Variants in PTN observed in about 807,000 individuals in gnomAD.
The protein encoded by PTN is pleiotrophin, also known as heparin affin regulatory protein.
Under a neutral mutation model 24.1 loss-of-function variants are expected in PTN, and 18 were observed. That is an observed-to-expected ratio of 0.75 (90% CI 0.52 to 1.11). PTN has a LOEUF of 1.11. PTN is among the 50% of genes least tolerant of loss of function. The pLI is 0.00. For missense variants in PTN, 163 were observed against 198.8 expected, an observed-to-expected ratio of 0.82 and a Z score of 1.08; for synonymous variants, 78 against 68.6, an observed-to-expected ratio of 1.14 and a Z score of -0.67.
Position 137,340,756 on chromosome 7 carries a change from T to C in PTN, c.-2+2683A>G, listed in dbSNP as rs73455107. Among the ~76,000 whole-genome samples, 836 of 152,238 alleles carry C rather than the reference T, an allele frequency of 5.5e-3. 5 individuals are homozygous for C. The highest frequency in any genetic ancestry group is 0.019 in the African/African-American group (799 of 41,562). ...TAGCAAAGCTATGGAACAAAGGCCATTGGAGAGCTCCCACTCAGCCTCATG... is the reference window on the plus strand; with the variant it reads ...TAGCAAAGCTATGGAACAAAGGCCACTGGAGAGCTCCCACTCAGCCTCATG... On this transcript the variant is annotated intron_variant, in intron 1 of 4. Transcript: ENST00000348225.
chr7:137,339,568 C>CAG (rs1554386739), intron 1 of PTN, among the ~76,000 whole-genome samples: 3 of 123,818 alleles, frequency 2.4e-5, no homozygotes, highest in Non-Finnish European at 4.9e-5. Context: ...GGTCTTGAAT[C>CAG]AAAAAAAAAA....
intron 4 of PTN, among the ~76,000 whole-genome samples, chr7:137,241,067 T>G (rs944393357): frequency 6.6e-6 from 1 of 152,040 alleles, no homozygotes; most frequent in African/African-American, 2.4e-5. Flanking sequence ...AAGGTACATT[T>G]TACATGGCAG....
intron 1 of PTN, among the ~76,000 whole-genome samples, chr7:137,319,642 C>T (rs1810130791): frequency 6.6e-6 from 1 of 152,180 alleles, no homozygotes. Context: ...ATCAGGATCT[C>T]AAAATGTCTC....
chr7:137,328,664 T>G (rs1810302183), intron 1 of PTN, among the ~76,000 whole-genome samples: 1 of 152,118 alleles, frequency 6.6e-6, no homozygotes, highest in Non-Finnish European at 1.5e-5. Context: ...AGAAACAGAT[T>G]GAGCAGCTCC....
chr7:137,243,701 C>T (rs1360427512), intron 4 of PTN, among the ~76,000 whole-genome samples: 1 of 152,114 alleles, frequency 6.6e-6, no homozygotes, highest in Non-Finnish European at 1.5e-5. Flanking sequence ...ACGTGACCAA[C>T]TAGAAGCAGG....
chr7:137,293,443 T>C (rs1266129996), intron 1 of PTN, among the ~76,000 whole-genome samples: 2 of 152,124 alleles, frequency 1.3e-5, no homozygotes, highest in South Asian at 2.1e-4. Context: ...CTCATGTGAT[T>C]GATAAAGTTT....
intron 4 of PTN, among the ~76,000 whole-genome samples, chr7:137,243,702 T>A (rs1457489073): frequency 2.6e-5 from 4 of 152,080 alleles, no homozygotes; most frequent in Non-Finnish European, 4.4e-5. Flanking sequence ...CGTGACCAAC[T>A]AGAAGCAGGG....
chr7:137,265,957 C>T (rs1055610894), intron 1 of PTN, among the ~76,000 whole-genome samples: 5 of 151,966 alleles, frequency 3.3e-5, no homozygotes, highest in African/African-American at 1.2e-4. Flanking sequence ...TTTAACAATG[C>T]TTTTTGTATG....
rs1174764330 is a variant in PTN at position 137,275,649 on chromosome 7, T to TA, written c.-1-20676dup. On this transcript the variant is annotated intron_variant, in intron 1 of 4. Coordinates refer to ENST00000348225, the MANE Select transcript of PTN (RefSeq NM_002825.7). ...CAACTTTTGGCAGTAAATCTTTTTT[T>TA]AAAAAAAAAAATTGTATTGGCAAAC... 9.0e-4 allele frequency among the ~76,000 whole-genome samples: 134 copies of TA among 149,598 alleles called. 1 individual carries two copies. The highest frequency in any genetic ancestry group is 3.5e-3 in the Middle Eastern group (1 of 284).
chr7:137,324,579 G>A (rs570845559), intron 1 of PTN, among the ~76,000 whole-genome samples: 2 of 151,432 alleles, frequency 1.3e-5, no homozygotes, highest in Admixed American at 6.6e-5. Flanking sequence ...AATGTTCTAC[G>A]ATTGTGTAAG....
At position 137,245,058 on chromosome 7, in the gene PTN, T is replaced by C. The variant is rs76155278; in HGVS notation, c.451+6172A>G. 2.0e-5 allele frequency among the ~76,000 whole-genome samples: 3 copies of C among 152,312 alleles called. No homozygotes were observed. The East Asian group carries it at 5.8e-4, about 29-fold the overall frequency. On this transcript the variant is annotated intron_variant, in intron 4 of 4. Transcript: ENST00000348225. ...ACAGACTTGCCAACATCTTTATGTTTCATTCTAAAATGTAAAGAGTATGAT... is the reference window on the plus strand; with the variant it reads ...ACAGACTTGCCAACATCTTTATGTTCCATTCTAAAATGTAAAGAGTATGAT...
At chr7:137,305,935 G>C (rs758029379) in intron 1 of PTN, among the ~76,000 whole-genome samples, 3 of 152,096 alleles carry the variant, frequency 2.0e-5, no homozygotes, top group Non-Finnish European at 4.4e-5. Context: ...AACTGGAGAT[G>C]AATCTGTAGC....
At chr7:137,294,705 T>C (rs1241205320) in intron 1 of PTN, among the ~76,000 whole-genome samples, 2 of 152,138 alleles carry the variant, frequency 1.3e-5, no homozygotes, top group Admixed American at 1.3e-4. Flanking sequence ...TCTAGCTACG[T>C]ATCCTTGTGG....
chr7:137,327,772 G>A (rs1054301287), intron 1 of PTN, among the ~76,000 whole-genome samples: 1 of 152,040 alleles, frequency 6.6e-6, no homozygotes, highest in Admixed American at 6.6e-5. Flanking sequence ...CCAGCTCTAA[G>A]TCTGCTTTGT....
In PTN at chr7:137,324,451, T is replaced by TATATATATATAA. The variant is rs1460014447; in HGVS notation, c.-2+18987_-2+18988insTTATATATATAT. Reference sequence around the variant, plus strand: ...AAAAAAAAATATATATATATATATATAAATTAACCTTCCTAAGCCCTCATC... The same window carrying TATATATATATAA: ...AAAAAAAAATATATATATATATATATATATATATATAAAAATTAACCTTCCTAAGCCCTCATC... On this transcript the variant is annotated intron_variant, in intron 1 of 4. Transcript: ENST00000348225. Among the ~76,000 whole-genome samples the TATATATATATAA allele has an allele frequency of 4.8e-4, 64 of 133,316 alleles. No individual in the cohort carries two copies. The Middle Eastern group carries it at 0.011, about 23-fold the overall frequency. The allele number at this position is 133,316 out of a possible 152,430, so 87.5% of individuals were successfully genotyped here. A position where few individuals can be genotyped will look rare whatever the true frequency, so the allele number is the denominator to read the frequency against.
At chr7:137,253,340 C>A in intron 3 of PTN, 124 bp downstream of exon 3, 1 of 1,024,454 alleles carries the variant, frequency 9.8e-7, no homozygotes, top group East Asian at 2.8e-5. Flanking sequence ...CCAGTCTGGT[C>A]ACTTTGTGTC....
chr7:137,250,717 T>C (rs974085786), intron 4 of PTN, among the ~76,000 whole-genome samples: 1 of 152,188 alleles, frequency 6.6e-6, no homozygotes, highest in African/African-American at 2.4e-5. Context: ...ATGAATGTAG[T>C]TGGTAACCAA....
chr7:137,263,010 G>A (rs574414601), intron 1 of PTN, among the ~76,000 whole-genome samples: 3 of 152,098 alleles, frequency 2.0e-5, no homozygotes, highest in African/African-American at 4.8e-5. Flanking sequence ...TCCCCCCTTC[G>A]AGACTCTCAC....
intron 1 of PTN, among the ~76,000 whole-genome samples, chr7:137,270,002 T>G (rs1809247779): frequency 6.6e-6 from 1 of 152,184 alleles, no homozygotes; most frequent in Admixed American, 6.5e-5. Context: ...CCACCCCAAA[T>G]TAACACATTA....
Sources: allele counts gnomAD v4.1 joint callset (sites outside exome capture counted in the v4.1 genomes callset), GRCh38; gene constraint gnomAD v4.1.1; transcripts MANE v1.5; gene names NCBI Gene and HGNC (gene_info 2026-07-23, HGNC 2026-07-21).